The following CDH12 variants were observed in gnomAD, a reference collection of about 807,000 sequenced individuals.
CDH12 encodes the protein cadherin-12.
CDH12 carries 41 observed loss-of-function variants against 74.1 expected under a neutral mutation model. The ratio of observed to expected loss-of-function variants is 0.55; its 90% confidence interval spans 0.43 to 0.72. The LOEUF (loss-of-function observed/expected upper bound fraction) is 0.72. Ranked by LOEUF, CDH12 falls within the 30% of genes least tolerant of loss-of-function variation. The pLI is 0.00. For missense variants in CDH12, 945 were observed against 977.2 expected, an observed-to-expected ratio of 0.97 and a Z score of 0.44; for synonymous variants, 399 against 355.0, an observed-to-expected ratio of 1.12 and a Z score of -1.39.
intron 5 of CDH12, among the ~76,000 whole-genome samples, chr5:22,071,324 CT>C (rs1561079751): frequency 6.6e-6 from 1 of 151,986 alleles, no homozygotes; most frequent in East Asian, 1.9e-4. Flanking sequence ...TTCATTTATG[CT>C]TTTGAAATAT....
intron 6 of CDH12, among the ~76,000 whole-genome samples, chr5:21,966,696 A>G (rs1756600620): frequency 6.6e-6 from 1 of 152,096 alleles, no homozygotes; most frequent in African/African-American, 2.4e-5. Flanking sequence ...AGCCTTCCTG[A>G]GTAATTAATT....
chr5:22,815,537 A>AG (rs1366885158), intron 1 of CDH12, among the ~76,000 whole-genome samples: 1 of 152,054 alleles, frequency 6.6e-6, no homozygotes, highest in Non-Finnish European at 1.5e-5. Context: ...TGGGAGGCTG[A>AG]GGGGGGCGGA....
intron 1 of CDH12, among the ~76,000 whole-genome samples, chr5:22,629,545 T>C (rs982733680): frequency 3.9e-5 from 6 of 152,134 alleles, no homozygotes; most frequent in African/African-American, 1.4e-4. Flanking sequence ...AAAATGCTTA[T>C]GATAAGATTC....
chr5:22,630,813 T>G (rs1164067537), intron 1 of CDH12, among the ~76,000 whole-genome samples: 1 of 152,132 alleles, frequency 6.6e-6, no homozygotes, highest in Non-Finnish European at 1.5e-5. Flanking sequence ...AAAGAGGTTC[T>G]GCACAACAAA....
intron 4 of CDH12, among the ~76,000 whole-genome samples, chr5:22,154,111 A>AG (rs1054282182): frequency 6.7e-6 from 1 of 149,104 alleles, no homozygotes; most frequent in Non-Finnish European, 1.5e-5. Flanking sequence ...TGTAATGACA[A>AG]AAAAATTGAA....
intron 4 of CDH12, among the ~76,000 whole-genome samples, chr5:22,080,030 C>T (rs1006422033): frequency 2.6e-5 from 4 of 152,198 alleles, no homozygotes; most frequent in East Asian, 1.9e-4. Context: ...CATGATGAAA[C>T]GTGGCTCTAG....
At chr5:21,872,158 T>C (rs551067100) in intron 6 of CDH12, among the ~76,000 whole-genome samples, 6 of 152,290 alleles carry the variant, frequency 3.9e-5, no homozygotes, top group South Asian at 2.1e-4. Flanking sequence ...CACCCCGACC[T>C]TGCTCAGCGT....
intron 1 of CDH12, among the ~76,000 whole-genome samples, chr5:22,532,859 A>G (rs1436150865): frequency 6.6e-6 from 1 of 152,076 alleles, no homozygotes; most frequent in African/African-American, 2.4e-5. Context: ...TTTAAATACT[A>G]AATAATAAGT....
intron 1 of CDH12, among the ~76,000 whole-genome samples, chr5:22,676,433 T>C (rs1406914920): frequency 2.0e-5 from 3 of 152,174 alleles, no homozygotes; most frequent in Non-Finnish European, 4.4e-5. Flanking sequence ...CCACCAGCCG[T>C]AGGCCATGGG....
At chr5:22,647,126 G>C (rs1190776618) in intron 1 of CDH12, among the ~76,000 whole-genome samples, 1 of 151,684 alleles carries the variant, frequency 6.6e-6, no homozygotes, top group Non-Finnish European at 1.5e-5. Context: ...TAGAAACCTA[G>C]ATTTCTGAGC....
intron 10 of CDH12, among the ~76,000 whole-genome samples, chr5:21,796,487 G>T (rs539519945): frequency 6.6e-6 from 1 of 151,982 alleles, no homozygotes; most frequent in Non-Finnish European, 1.5e-5. Flanking sequence ...GAATCTTTAT[G>T]AGTCGGGGAA....
At position 22,045,440 on chromosome 5, in the gene CDH12, T is replaced by C. The variant is rs192298647; in HGVS notation, c.231+33006A>G. Among the ~76,000 whole-genome samples, 313 of 152,228 alleles carry C rather than the reference T, an allele frequency of 2.1e-3. 4 individuals are homozygous for C. Among genetic ancestry groups the C allele is most frequent in the African/African-American group, 6.9e-3 (288 of 41,554 alleles). The stretch of plus-strand genomic sequence containing the variant: ...TCTAGCAATCCCATTACTGGGTACA[T>C]ATCCAAAGAAAAGGAAATCAGTATG... On this transcript the variant is annotated intron_variant, in intron 5 of 14. Transcript: ENST00000382254.
At chr5:21,799,605 T>G (rs1450696581) in intron 10 of CDH12, among the ~76,000 whole-genome samples, 1 of 151,928 alleles carries the variant, frequency 6.6e-6, no homozygotes, top group African/African-American at 2.4e-5. Context: ...AAAACAGAAA[T>G]GTGGTAAAAT....
intron 1 of CDH12, among the ~76,000 whole-genome samples, chr5:22,613,880 G>A (rs894918019): frequency 6.6e-6 from 1 of 152,026 alleles, no homozygotes; most frequent in Non-Finnish European, 1.5e-5. Flanking sequence ...CTAAAAAAAT[G>A]TTTAAGTTAA....
At chr5:22,801,297 T>G (rs949056502) in intron 1 of CDH12, among the ~76,000 whole-genome samples, 1 of 152,064 alleles carries the variant, frequency 6.6e-6, no homozygotes, top group Non-Finnish European at 1.5e-5. Context: ...CATCAGAAAA[T>G]TAGGCTTCGT....
chr5:22,229,732 G>A (rs963926155), intron 3 of CDH12, among the ~76,000 whole-genome samples: 7 of 151,970 alleles, frequency 4.6e-5, no homozygotes, highest in Non-Finnish European at 5.9e-5. Context: ...TCTCAAATGC[G>A]TGTCCTTGTA....
At chr5:22,526,960 T>G (rs1434266156) in intron 1 of CDH12, among the ~76,000 whole-genome samples, 2 of 152,150 alleles carry the variant, frequency 1.3e-5, no homozygotes, top group Non-Finnish European at 2.9e-5. Flanking sequence ...TTCAGAGACC[T>G]GCAGTTCCTA....
At chr5:22,126,641 T>C (rs1484632990) in intron 4 of CDH12, among the ~76,000 whole-genome samples, 5 of 152,236 alleles carry the variant, frequency 3.3e-5, no homozygotes, top group African/African-American at 7.2e-5. Flanking sequence ...ATTTGCTCTA[T>C]ATATTTGATA....
chr5:22,220,555 AG>A (rs760566734), intron 3 of CDH12, among the ~76,000 whole-genome samples: 2 of 151,132 alleles, frequency 1.3e-5, no homozygotes, highest in African/African-American at 2.4e-5. Flanking sequence ...TTGGTGGTTG[AG>A]TGGTCATTTC....
Sources: gnomAD v4.1 joint callset for allele counts (sites outside exome capture counted in the v4.1 genomes callset) on GRCh38, gnomAD v4.1.1 for gene constraint, MANE v1.5 for transcripts, NCBI Gene and HGNC (gene_info 2026-07-23, HGNC 2026-07-21) for gene names.